The following SIPA1L1 variants were observed in gnomAD, a reference collection of about 807,000 sequenced individuals.
The protein encoded by SIPA1L1 is signal-induced proliferation-associated 1-like protein 1.
A neutral mutation model predicts 162.7 loss-of-function variants in SIPA1L1; 26 were observed. That is an observed-to-expected ratio of 0.16 (90% CI 0.12 to 0.22). The LOEUF is 0.22. Among genes scored for constraint, SIPA1L1 ranks in the 10% least tolerant of loss-of-function variants. The probability of loss-of-function intolerance (pLI) is 1.00; values close to 1 mark genes in which losing one functional copy is unlikely to be tolerated. For synonymous variants in SIPA1L1, 829 were observed against 837.4 expected (o/e 0.99, Z 0.17); for missense variants, 1,874 against 2,241.0 (o/e 0.84, Z 3.31).
At chr14:71,596,015 T>C (rs1169649013) in intron 5 of SIPA1L1, among the ~76,000 whole-genome samples, 2 of 152,210 alleles carry the variant, frequency 1.3e-5, no homozygotes, top group African/African-American at 4.8e-5. Flanking sequence ...TTCAATCATG[T>C]AACAAACATG....
intron 4 of SIPA1L1, among the ~76,000 whole-genome samples, chr14:71,582,628 C>T (rs1451062391): frequency 1.3e-5 from 2 of 152,162 alleles, no homozygotes; most frequent in African/African-American, 4.8e-5. Context: ...ACAGCTTTAT[C>T]ATGTTACATG....
intron 10 of SIPA1L1, among the ~76,000 whole-genome samples, chr14:71,662,132 T>G (rs549288446): frequency 2.0e-5 from 3 of 152,330 alleles, no homozygotes; most frequent in East Asian, 3.9e-4. Flanking sequence ...TGTAAGATGT[T>G]TTTAATGTGC....
intron 11 of SIPA1L1, among the ~76,000 whole-genome samples, chr14:71,671,942 T>TGTGC (rs1302058634): frequency 6.8e-5 from 10 of 146,158 alleles, no homozygotes; most frequent in Admixed American, 1.4e-4. Flanking sequence ...TGTGTGTGTG[T>TGTGC]GCGTTCATGT....
At chr14:71,681,183 C>T (rs985004392) in intron 12 of SIPA1L1, among the ~76,000 whole-genome samples, 6 of 152,186 alleles carry the variant, frequency 3.9e-5, no homozygotes, top group Admixed American at 3.3e-4. Context: ...TGGAAAACCT[C>T]CCTGGAGTGA....
At chr14:71,592,150 G>A (rs2035486471) in intron 5 of SIPA1L1, among the ~76,000 whole-genome samples, 1 of 152,124 alleles carries the variant, frequency 6.6e-6, no homozygotes, top group Admixed American at 6.6e-5. Flanking sequence ...TATGAGCAGT[G>A]GTTAATCCAG....
intron 3 of SIPA1L1, among the ~76,000 whole-genome samples, chr14:71,516,779 C>T (rs969190530): frequency 8.6e-5 from 13 of 151,872 alleles, no homozygotes; most frequent in African/African-American, 3.1e-4. Context: ...TTGAGACCAG[C>T]CTGGCCAACA....
At chr14:71,526,729 GA>G (rs887698490) in intron 3 of SIPA1L1, among the ~76,000 whole-genome samples, 24 of 149,232 alleles carry the variant, frequency 1.6e-4, no homozygotes, top group Admixed American at 1.3e-4. Context: ...CTTTACAGGA[GA>G]AAAAAAAAAT....
intron 2 of SIPA1L1, among the ~76,000 whole-genome samples, chr14:71,350,816 T>G (rs1245075579): frequency 6.6e-6 from 1 of 152,214 alleles, no homozygotes; most frequent in Non-Finnish European, 1.5e-5. Flanking sequence ...TGTCTTTTGA[T>G]TTCAACGGAA....
At chr14:71,337,696 C>T (rs2035239346) in intron 2 of SIPA1L1, among the ~76,000 whole-genome samples, 3 of 152,118 alleles carry the variant, frequency 2.0e-5, no homozygotes, top group Non-Finnish European at 4.4e-5. Flanking sequence ...TGGGTGGGGA[C>T]ACAGCCAAAC....
chr14:71,630,538 A>G (rs1243109532), intron 7 of SIPA1L1, among the ~76,000 whole-genome samples: 1 of 152,186 alleles, frequency 6.6e-6, no homozygotes, highest in Non-Finnish European at 1.5e-5. Flanking sequence ...GGTGGCAAAC[A>G]TTTGTCTTCT....
At chr14:71,470,784 A>C (rs190976790) in intron 2 of SIPA1L1, among the ~76,000 whole-genome samples, 1 of 152,200 alleles carries the variant, frequency 6.6e-6, no homozygotes, top group East Asian at 1.9e-4. Flanking sequence ...TCTTCTAATT[A>C]TATATGGAAA....
At chr14:71,485,958 C>A (rs2048723849) in intron 2 of SIPA1L1, among the ~76,000 whole-genome samples, 1 of 152,172 alleles carries the variant, frequency 6.6e-6, no homozygotes, top group South Asian at 2.1e-4. Flanking sequence ...CTCCAGAGAT[C>A]TTTCTGTTGG....
intron 17 of SIPA1L1, among the ~76,000 whole-genome samples, chr14:71,714,630 A>G (rs1198837076): frequency 6.6e-6 from 1 of 151,884 alleles, no homozygotes; most frequent in Non-Finnish European, 1.5e-5. Context: ...CACTCAGGCT[A>G]GAGTTCAGTG....
chr14:71,429,781 A>G lies in SIPA1L1; in HGVS notation c.-464-82962A>G, dbSNP rs532314207. ...GGAACTGTGTTTGAAGACCTGATGT[A>G]TATTTACAAATAGGTAGATCTCATT... On this transcript the variant is annotated intron_variant, in intron 2 of 23. Transcript: ENST00000381232. Among the ~76,000 whole-genome samples, 3 of 152,324 alleles carry G rather than the reference A, an allele frequency of 2.0e-5. No individual in the cohort carries two copies. The South Asian group carries it at 6.2e-4, about 32-fold the overall frequency.
At chr14:71,681,410 A>G (rs114640600) in intron 12 of SIPA1L1, among the ~76,000 whole-genome samples, 2 of 152,216 alleles carry the variant, frequency 1.3e-5, no homozygotes, top group African/African-American at 4.8e-5. Context: ...GTTGAGGGCC[A>G]CTAGCCTATA....
At chr14:71,686,692 G>C (rs952028716) in intron 13 of SIPA1L1, among the ~76,000 whole-genome samples, 3 of 152,124 alleles carry the variant, frequency 2.0e-5, no homozygotes, top group Admixed American at 6.5e-5. Flanking sequence ...TACAGCGTGA[G>C]CCACCACGCC....
chr14:71,578,382 C>G (rs1054233811), intron 4 of SIPA1L1, among the ~76,000 whole-genome samples: 2 of 152,088 alleles, frequency 1.3e-5, no homozygotes, highest in African/African-American at 2.4e-5. Context: ...CACTCCTTTA[C>G]CTCTCTATGC....
intron 4 of SIPA1L1, among the ~76,000 whole-genome samples, chr14:71,553,041 TG>T (rs1180148214): frequency 2.6e-5 from 4 of 152,168 alleles, no homozygotes; most frequent in Non-Finnish European, 5.9e-5. Flanking sequence ...TATCTCCAAA[TG>T]CTGCTTAGTG....
At chr14:71,555,092 G>C (rs1386780424) in intron 4 of SIPA1L1, among the ~76,000 whole-genome samples, 5 of 152,158 alleles carry the variant, frequency 3.3e-5, no homozygotes. Context: ...TAAGTCTCCA[G>C]CTGCATTAGC....
Sources: allele counts gnomAD v4.1 joint callset (sites outside exome capture counted in the v4.1 genomes callset), GRCh38; gene constraint gnomAD v4.1.1; transcripts MANE v1.5; gene names NCBI Gene and HGNC (gene_info 2026-07-23, HGNC 2026-07-21).